The following MGAT4A variants were observed in gnomAD, a reference collection of about 807,000 sequenced individuals.
MGAT4A encodes N-acetylglucosaminyltransferase IVa.
In MGAT4A, 33 loss-of-function variants were observed where a neutral mutation model predicts 74.1. The observed-to-expected ratio is 0.45, with a 90% CI of 0.34 to 0.60. MGAT4A has a LOEUF of 0.60. Among genes scored for constraint, MGAT4A ranks in the 20% least tolerant of loss-of-function variants. The pLI, the probability that MGAT4A is intolerant of heterozygous loss-of-function variation, is 0.02. For missense variants in MGAT4A, 479 were observed against 628.3 expected, an observed-to-expected ratio of 0.76 and a Z score of 2.54; for synonymous variants, 198 against 210.4, an observed-to-expected ratio of 0.94 and a Z score of 0.51.
intron 3 of MGAT4A, 59 bp downstream of exon 3, chr2:98,678,245 A>ATATATATATATATAT (rs1245453085): frequency 2.7e-6 from 1 of 373,846 alleles, no homozygotes; most frequent in East Asian, 1.1e-4. Flanking sequence ...AAAAAAAAAA[A>ATATATATATATATAT]AAAAATATAT....
intron 2 of MGAT4A, among the ~76,000 whole-genome samples, chr2:98,722,966 C>T (rs1460728539): frequency 4.6e-5 from 7 of 152,184 alleles, no homozygotes; most frequent in Admixed American, 3.9e-4. Flanking sequence ...TCCTGCCCCA[C>T]TCTCACAACA....
Position 98,680,040 on chromosome 2 carries a change from C to CTTTTT in MGAT4A, c.95-1574_95-1570dup, listed in dbSNP as rs778595164. ...GACACCTAAACAAACCTTAGAAAGGCTTTTTTTTTTTTTTTTCTGAGACAG... is the reference window on the plus strand; with the variant it reads ...GACACCTAAACAAACCTTAGAAAGGCTTTTTTTTTTTTTTTTTTTTTCTGAGACAG... On this transcript the variant is annotated intron_variant, in intron 2 of 15. Coordinates refer to ENST00000393487, the MANE Select transcript of MGAT4A (RefSeq NM_012214.3). 7.9e-4 allele frequency among the ~76,000 whole-genome samples: 104 copies of CTTTTT among 131,042 alleles called. 12 individuals are homozygous for CTTTTT. Among genetic ancestry groups the CTTTTT allele is most frequent in the Non-Finnish European group, 1.0e-3 (62 of 62,028 alleles). 86.0% of individuals were successfully genotyped at this position (131,042 alleles called of 152,430 possible).
rs1372107941 is a variant in MGAT4A, at chr2:98,621,504, T to C, written c.*4062A>G. The stretch of plus-strand genomic sequence containing the variant: ...CTGCCACCAGCCCGAGAAAACTCTC[T>C]GCTTTTAAAGGAGTCACAAGATTTG... On this transcript the variant is annotated 3_prime_UTR_variant, in exon 16 of 16. Transcript: ENST00000393487. The C allele has an allele frequency of 1.3e-6, 2 of 1,551,684 alleles. No homozygotes were observed. Among genetic ancestry groups the C allele is most frequent in the Admixed American group, 2.0e-5 (1 of 51,006 alleles).
intron 3 of MGAT4A, among the ~76,000 whole-genome samples, chr2:98,677,313 T>C (rs1476899435): frequency 6.6e-6 from 1 of 152,196 alleles, no homozygotes; most frequent in African/African-American, 2.4e-5. Context: ...CCAGAGTCCA[T>C]CTGAAGTCCA....
At chr2:98,665,125 C>T (rs1391170762) in intron 4 of MGAT4A, among the ~76,000 whole-genome samples, 1 of 151,734 alleles carries the variant, frequency 6.6e-6, no homozygotes, top group Admixed American at 6.6e-5. Context: ...GTCAGGAGAT[C>T]GAGACCATCC....
chr2:98,699,396 TC>T (rs559784294), intron 2 of MGAT4A, among the ~76,000 whole-genome samples: 113 of 152,264 alleles, frequency 7.4e-4, no homozygotes, highest in African/African-American at 2.5e-3. Context: ...TCAGCCAAGT[TC>T]CCAGAGGCCA....
At chr2:98,675,717 A>T (rs1192520943) in intron 3 of MGAT4A, among the ~76,000 whole-genome samples, 4 of 151,260 alleles carry the variant, frequency 2.6e-5, no homozygotes, top group South Asian at 2.1e-4. Context: ...CAGCTAATTT[A>T]AAAAAAAAAT....
rs1701049308 is a variant in MGAT4A, at chr2:98,620,660, A to G, written c.*4906T>C. The G allele has an allele frequency of 6.6e-6, 1 of 150,864 alleles. No individual in the cohort carries two copies. Among genetic ancestry groups the G allele is most frequent in the African/African-American group, 2.4e-5 (1 of 41,322 alleles). The allele number at this position is 150,864 out of a possible 1,614,324, so 9.3% of individuals were successfully genotyped here. ...TAAAAAGAGAAACTAAGTTTTGGTT[A>G]AAAAAAATTAAATCCCTCGATACAC... On this transcript the variant is annotated 3_prime_UTR_variant, in exon 16 of 16. Transcript: ENST00000393487.
chr2:98,724,929 G>C (rs1012495576), intron 2 of MGAT4A, among the ~76,000 whole-genome samples: 1 of 152,100 alleles, frequency 6.6e-6, no homozygotes, highest in Non-Finnish European at 1.5e-5. Context: ...TTCTTGATTG[G>C]CCGGGCATGA....
At position 98,625,167 on chromosome 2, in the gene MGAT4A, CCT is replaced by C; in HGVS notation, c.*397_*398del. The C allele has an allele frequency of 1.2e-6, 1 of 802,262 alleles. No individual in the cohort carries two copies. Among genetic ancestry groups the C allele is most frequent in the Non-Finnish European group, 1.5e-6 (1 of 663,948 alleles). 49.7% of individuals were successfully genotyped at this position (802,262 alleles called of 1,614,324 possible). ...TATTTATATATTTATATATATAATC[CCT>C]GATAATCTATAAAAGAGGGTCTATA... On this transcript the variant is annotated 3_prime_UTR_variant, in exon 16 of 16. Transcript: ENST00000393487.
rs760093546 is a variant in MGAT4A, at chr2:98,675,112, T to A, written c.326A>T (p.Tyr109Phe). The A allele has an allele frequency of 3.1e-6, 5 of 1,612,984 alleles. No individual in the cohort carries two copies. The highest frequency in any genetic ancestry group is 4.2e-6 in the Non-Finnish European group (5 of 1,179,442). The change falls in exon 4 of 16, where the codon TAT (tyrosine) becomes TTT (phenylalanine). Residue 109 changes from tyrosine to phenylalanine, a missense_variant. By Grantham distance (22) the Tyr-to-Phe change is conservative (BLOSUM62 3). This residue lies in a region of MGAT4A where 205 missense variants were observed against 232.7 expected (regional missense o/e 0.88). Coordinates refer to ENST00000393487, the MANE Select transcript of MGAT4A (RefSeq NM_012214.3). ...TTTCAATAAATGAGGCAAATGATAA[T>A]AAATACTTGGCACTTGAAGAGATTT... ...SKKSLQVPSI[Y>F]YHLPHLLKNE...
At chr2:98,627,295 T>C (rs531172721) in intron 14 of MGAT4A, among the ~76,000 whole-genome samples, 1 of 152,352 alleles carries the variant, frequency 6.6e-6, no homozygotes, top group East Asian at 1.9e-4. Flanking sequence ...AATGTTAGTT[T>C]TGCATATAAG....
At chr2:98,685,503 T>G (rs1702116547) in intron 2 of MGAT4A, among the ~76,000 whole-genome samples, 1 of 152,102 alleles carries the variant, frequency 6.6e-6, no homozygotes, top group Admixed American at 6.5e-5. Context: ...TGCAGAAAAT[T>G]TCCCACTTAT....
intron 2 of MGAT4A, among the ~76,000 whole-genome samples, chr2:98,719,667 A>G (rs963412139): frequency 1.3e-5 from 2 of 152,306 alleles, no homozygotes; most frequent in Middle Eastern, 3.4e-3. Context: ...ATTTTTTAAG[A>G]TGGAGTCTAG....
At chr2:98,728,293 T>C (rs1002109190) in intron 1 of MGAT4A, among the ~76,000 whole-genome samples, 1 of 152,154 alleles carries the variant, frequency 6.6e-6, no homozygotes, top group African/African-American at 2.4e-5. Context: ...TTCCACATAA[T>C]ATTCTAGAAG....
chr2:98,680,383 T>C (rs2104292251), intron 2 of MGAT4A, among the ~76,000 whole-genome samples: 1 of 152,294 alleles, frequency 6.6e-6, no homozygotes, highest in African/African-American at 2.4e-5. Context: ...ATTTCTGTTT[T>C]AATCATGGAT....
intron 2 of MGAT4A, among the ~76,000 whole-genome samples, chr2:98,710,880 AAGGAAAAAGG>A (rs940289497): frequency 6.6e-6 from 1 of 152,170 alleles, no homozygotes; most frequent in Non-Finnish European, 1.5e-5. Context: ...ATAATGAAGG[AAGGAAAAAGG>A]AAGTTCTGTG....
chr2:98,632,920 T>C (rs1701263082), intron 14 of MGAT4A, among the ~76,000 whole-genome samples: 1 of 152,174 alleles, frequency 6.6e-6, no homozygotes, highest in African/African-American at 2.4e-5. Flanking sequence ...CCACCACACC[T>C]GGCTAATTTT....
At chr2:98,730,484 C>A (rs1296308308) in intron 1 of MGAT4A, among the ~76,000 whole-genome samples, 1 of 152,226 alleles carries the variant, frequency 6.6e-6, no homozygotes, top group African/African-American at 2.4e-5. Context: ...CCTGCGAAGG[C>A]TGCACGGCCG....
Sources: allele counts gnomAD v4.1 joint callset (sites outside exome capture counted in the v4.1 genomes callset), GRCh38; gene constraint gnomAD v4.1.1; regional missense constraint gnomAD v4.1.1; transcripts MANE v1.5; gene names NCBI Gene and HGNC (gene_info 2026-07-23, HGNC 2026-07-21).